STARD7: variants seen among roughly 807,000 people sequenced by gnomAD.
STARD7 encodes stAR-related lipid transfer protein 7, mitochondrial.
A neutral mutation model predicts 45.3 loss-of-function variants in STARD7; 30 were observed. The observed-to-expected ratio is 0.66, with a 90% CI of 0.50 to 0.90. STARD7 has a LOEUF of 0.90. Ranked by LOEUF, STARD7 falls within the 40% of genes least tolerant of loss-of-function variation. The pLI is 0.00. For synonymous variants in STARD7, 199 were observed against 183.0 expected, an observed-to-expected ratio of 1.09 and a Z score of -0.70; for missense variants, 495 against 491.3, an observed-to-expected ratio of 1.01 and a Z score of -0.07.
intron 1 of STARD7, among the ~76,000 whole-genome samples, chr2:96,205,356 A>C (rs573202742): frequency 3.9e-5 from 6 of 152,370 alleles, no homozygotes; most frequent in African/African-American, 1.2e-4. Flanking sequence ...TAAGGAAAAC[A>C]CATGCCACTT....
intron 1 of STARD7, among the ~76,000 whole-genome samples, chr2:96,201,860 T>G (rs762508881): frequency 5.9e-5 from 9 of 152,204 alleles, no homozygotes; most frequent in Non-Finnish European, 1.2e-4. Context: ...ATAGTGTCAA[T>G]CCAAGATTAA....
chr2:96,187,419 C>T, intron 6 of STARD7, 118 bp from the exon 7 acceptor site: 1 of 674,076 alleles, frequency 1.5e-6, no homozygotes, highest in Non-Finnish European at 2.6e-6. Context: ...TTTCTTTTTT[C>T]ACCCTGTGCA....
At chr2:96,207,444 T>G (rs796123122) in intron 1 of STARD7, among the ~76,000 whole-genome samples, 11 of 152,324 alleles carry the variant, frequency 7.2e-5, no homozygotes, top group African/African-American at 2.6e-4. Flanking sequence ...CCCATGACAT[T>G]ACCTGGAAAC....
chr2:96,186,886 G>A lies in STARD7; in HGVS notation c.957C>T (p.His319=). The change falls in exon 8 of 8, where the codon CAC becomes CAT. Residue 319 remains histidine (H), a synonymous_variant. Coordinates refer to ENST00000337288, the MANE Select transcript of STARD7 (RefSeq NM_020151.4). ...TATTCTTGGCTTTCAGAGTGGCCAT[G>A]TGCAGCTTCTCCAGGAAATCTGGCA... ...SGMPDFLEKL[H]MATLKAKNME... is the part of the protein sequence containing the mutation. The A allele has an allele frequency of 3.1e-6, 5 of 1,613,364 alleles. No individual in the cohort carries two copies. Among genetic ancestry groups the A allele is most frequent in the Non-Finnish European group, 2.5e-6 (3 of 1,179,588 alleles).
Position 96,186,889 on chromosome 2 carries a change from C to T in STARD7, c.954G>A (p.Leu318=). ...TCTTGGCTTTCAGAGTGGCCATGTG[C>T]AGCTTCTCCAGGAAATCTGGCATGC... The part of the protein sequence containing the change: ...SSGMPDFLEK[L]HMATLKAKNM... The change falls in exon 8 of 8, where the codon CTG becomes CTA. Residue 318 remains leucine, a synonymous_variant. Coordinates refer to ENST00000337288, the MANE Select transcript of STARD7 (RefSeq NM_020151.4). The T allele has an allele frequency of 1.2e-6, 2 of 1,613,088 alleles. No individual in the cohort carries two copies. Among genetic ancestry groups the T allele is most frequent in the South Asian group, 1.1e-5 (1 of 90,936 alleles).
At position 96,193,118 on chromosome 2, in the gene STARD7, T is replaced by C. The variant is rs200306093; in HGVS notation, c.703A>G (p.Ser235Gly). ...ATCATGTTGTTTTCCTGATCCACAC[T>C]ATACCGCCGAACATAAACATAATCC... ...SRDYVYVRRY[S>G]VDQENNMMVL... is the part of the protein sequence containing the mutation. The change falls in exon 5 of 8, where the codon AGT becomes GGT. Residue 235 changes from serine (S) to glycine (G), a missense_variant. Transcript: ENST00000337288. 1 of 1,613,856 alleles carries C rather than the reference T, an allele frequency of 6.2e-7. No homozygotes were observed. Among genetic ancestry groups the C allele is most frequent in the Non-Finnish European group, 8.5e-7 (1 of 1,179,754 alleles).
intron 1 of STARD7, 41 bp downstream of exon 1, chr2:96,208,104 C>T: frequency 6.7e-7 from 1 of 1,495,816 alleles, no homozygotes; most frequent in Non-Finnish European, 8.9e-7. Flanking sequence ...TCACAAGCCC[C>T]CCCACCCCAC....
chr2:96,205,336 T>C (rs907791463), intron 1 of STARD7, among the ~76,000 whole-genome samples: 1 of 152,198 alleles, frequency 6.6e-6, no homozygotes, highest in Non-Finnish European at 1.5e-5. Flanking sequence ...TGAATAGGAC[T>C]CAAATAACAT....
At chr2:96,199,949 T>C (rs1211660814) in intron 1 of STARD7, among the ~76,000 whole-genome samples, 2 of 152,232 alleles carry the variant, frequency 1.3e-5, no homozygotes, top group Admixed American at 6.5e-5. Context: ...TCTATTAATA[T>C]GGTGTAATAA....
intron 1 of STARD7, among the ~76,000 whole-genome samples, chr2:96,199,152 T>C (rs989243941): frequency 3.9e-5 from 6 of 152,234 alleles, no homozygotes; most frequent in Non-Finnish European, 8.8e-5. Flanking sequence ...CTGTTTTTGC[T>C]ATTCTGAGTT....
chr2:96,200,599 G>A (rs932901949), intron 1 of STARD7, among the ~76,000 whole-genome samples: 4 of 152,042 alleles, frequency 2.6e-5, no homozygotes, highest in East Asian at 1.9e-4. Context: ...TACTTGCAAC[G>A]CTCGTGTTAT....
chr2:96,203,850 C>A (rs555887192), intron 1 of STARD7, among the ~76,000 whole-genome samples: 4 of 152,158 alleles, frequency 2.6e-5, no homozygotes, highest in Admixed American at 6.5e-5. Context: ...CCTGTAGTCC[C>A]AGCTACTTGA....
Position 96,186,868 on chromosome 2 carries a change from G to C in STARD7, c.975C>G (p.Ala325=), listed in dbSNP as rs1191320714. ...LEKLHMATLK[A]KNMEIKVKDY... is the part of the protein sequence containing the mutation. ...CCTTTACTTTAATCTCCATATTCTT[G>C]GCTTTCAGAGTGGCCATGTGCAGCT... Residue 325 remains alanine (A), a synonymous_variant, in exon 8 of 8, where the codon GCC becomes GCG. Transcript: ENST00000337288. The C allele has an allele frequency of 5.6e-6, 9 of 1,613,776 alleles. No individual in the cohort carries two copies. The highest frequency in any genetic ancestry group is 7.6e-6 in the Non-Finnish European group (9 of 1,179,792).
In STARD7 at chr2:96,185,126, T is replaced by C. The variant is rs896221746; in HGVS notation, c.*1604A>G. The C allele has an allele frequency of 6.6e-6, 1 of 152,598 alleles. No individual in the cohort carries two copies. The highest frequency in any genetic ancestry group is 1.5e-5 in the Non-Finnish European group (1 of 68,054). The allele number at this position is 152,598 out of a possible 1,614,324, so 9.5% of individuals were successfully genotyped here. A position where few individuals can be genotyped will look rare whatever the true frequency, so the allele number is the denominator to read the frequency against. ...ATCCCAACAATTGCAGGTGCTAAGT[T>C]TGGACATAACCCAGGGACTCTTCCC... is the stretch of plus-strand genomic sequence containing the variant. On this transcript the variant is annotated 3_prime_UTR_variant, in exon 8 of 8. Transcript: ENST00000337288.
At position 96,208,316 on chromosome 2, in the gene STARD7, T is replaced by G. The variant is rs774434882; in HGVS notation, c.119A>C (p.Gln40Pro). The change falls in exon 1 of 8, where the codon CAG becomes CCG. Residue 40 changes from glutamine to proline, a missense_variant. This residue lies in a region of STARD7 where 282 missense variants were observed against 220.1 expected (regional missense o/e 1.28). Transcript: ENST00000337288. ...GAGGCGGCCGTAGAGCTGCGCGATCTGCTGCGCGCGCCGCACGCGCAGGCC... is the reference window on the plus strand; with the variant it reads ...GAGGCGGCCGTAGAGCTGCGCGATCGGCTGCGCGCGCCGCACGCGCAGGCC... ...VTGLRVRRAQ[Q>P]IAQLYGRLYS... The G allele has an allele frequency of 7.5e-6, 12 of 1,606,962 alleles. No homozygotes were observed. The highest frequency in any genetic ancestry group is 1.0e-5 in the Non-Finnish European group (12 of 1,178,314).
rs868731447 is a variant in STARD7, at chr2:96,185,468, T to A, written c.*1262A>T. 1 of 152,184 alleles carries A rather than the reference T, an allele frequency of 6.6e-6. No individual in the cohort carries two copies. 9.4% of individuals were successfully genotyped at this position (152,184 alleles called of 1,614,324 possible). A position where few individuals can be genotyped will look rare whatever the true frequency, so the allele number is the denominator to read the frequency against. On this transcript the variant is annotated 3_prime_UTR_variant, in exon 8 of 8. Coordinates refer to ENST00000337288, the MANE Select transcript of STARD7 (RefSeq NM_020151.4). ...GGATTTAAAACTTGATCCCTATTAT[T>A]CTAACAAATTGCAGCATGACCATAA...
chr2:96,198,857 G>T (rs936543879), intron 1 of STARD7, among the ~76,000 whole-genome samples: 1 of 152,158 alleles, frequency 6.6e-6, no homozygotes, highest in African/African-American at 2.4e-5. Flanking sequence ...TAATGTTTGT[G>T]TATGATAATG....
intron 6 of STARD7, among the ~76,000 whole-genome samples, chr2:96,188,837 T>C (rs1683078980): frequency 1.3e-5 from 2 of 151,730 alleles, no homozygotes; most frequent in South Asian, 4.2e-4. Context: ...GAGGTTGCAG[T>C]GAGCCAAGAT....
intron 3 of STARD7, among the ~76,000 whole-genome samples, 193 bp downstream of exon 3, chr2:96,194,765 C>T (rs1237405503): frequency 6.6e-6 from 1 of 152,212 alleles, no homozygotes; most frequent in Non-Finnish European, 1.5e-5. Flanking sequence ...GAGGGTAAAA[C>T]TGATCTCATC....
Sources: gnomAD v4.1 joint callset for allele counts (sites outside exome capture counted in the v4.1 genomes callset) on GRCh38, gnomAD v4.1.1 for gene constraint, gnomAD v4.1.1 regional missense constraint, MANE v1.5 for transcripts, NCBI Gene and HGNC (gene_info 2026-07-23, HGNC 2026-07-21) for gene names.